Variants in TM4SF20 observed in about 807,000 individuals in gnomAD.
TM4SF20 encodes the protein transmembrane 4 L6 family member 20.
TM4SF20 carries 13 observed loss-of-function variants against 15.1 expected under a neutral mutation model. The observed-to-expected ratio is 0.86, with a 90% confidence interval of 0.56 to 1.36. TM4SF20 has a LOEUF of 1.36. Among genes scored for constraint, TM4SF20 ranks in the 40% most tolerant of loss-of-function variants. TM4SF20 has a pLI of 0.00. For synonymous variants in TM4SF20, 92 were observed against 96.6 expected, an observed-to-expected ratio of 0.95 and a Z score of 0.28; for missense variants, 282 against 268.4, an observed-to-expected ratio of 1.05 and a Z score of -0.35.
chr2:227,363,694 T>C lies in TM4SF20; in HGVS notation c.*30A>G, dbSNP rs367703325. 2 of 1,575,966 alleles carry C rather than the reference T, an allele frequency of 1.3e-6. No homozygotes were observed. The highest frequency in any genetic ancestry group is 1.7e-6 in the Non-Finnish European group (2 of 1,161,802). On this transcript the variant is annotated 3_prime_UTR_variant, in exon 4 of 4. Transcript: ENST00000304568. Reference sequence around the variant, plus strand: ...GTGTACTTCTCAAATTAATTCAAACTACTGATACTTACATTTTATTCCCAT... The same window carrying C: ...GTGTACTTCTCAAATTAATTCAAACCACTGATACTTACATTTTATTCCCAT...
intron 1 of TM4SF20, among the ~76,000 whole-genome samples, chr2:227,371,381 C>G (rs62190923): frequency 0.16 from 24,233 of 152,222 alleles, 2,174 homozygotes; most frequent in Admixed American, 0.2. Context: ...CACTCTCTTA[C>G]CCAGGCCAGA....
rs189053313 is a variant in TM4SF20, at chr2:227,370,387, C to G, written c.249+528G>C. On this transcript the variant is annotated intron_variant, in intron 2 of 3. Coordinates refer to ENST00000304568, the MANE Select transcript of TM4SF20 (RefSeq NM_024795.4). ...AATCCACGGAAGACTGAGGAAGGGACAGAAGGCCAACTCTAAATGTTTGTG... is the reference window on the plus strand; with the variant it reads ...AATCCACGGAAGACTGAGGAAGGGAGAGAAGGCCAACTCTAAATGTTTGTG... 1.6e-4 allele frequency among the ~76,000 whole-genome samples: 25 copies of G among 152,224 alleles called. No individual in the cohort carries two copies. In the East Asian group the frequency reaches 3.7e-3, roughly 22 times the overall value.
rs2076373648 is a variant in TM4SF20 at position 227,363,507 on chromosome 2, T to C, written c.*217A>G. Reference sequence around the variant, plus strand: ...TCCCTTCTCCTTTCTCTACACACAGTGAAGAGGTAAAAAATTTGAATAGTA... The same window carrying C: ...TCCCTTCTCCTTTCTCTACACACAGCGAAGAGGTAAAAAATTTGAATAGTA... On this transcript the variant is annotated 3_prime_UTR_variant, in exon 4 of 4. Transcript: ENST00000304568. The C allele has an allele frequency of 6.3e-6, 3 of 479,006 alleles. No individual in the cohort carries two copies. The highest frequency in any genetic ancestry group is 1.1e-5 in the Non-Finnish European group (3 of 270,486). 29.7% of individuals were successfully genotyped at this position (479,006 alleles called of 1,614,324 possible).
At chr2:227,371,404 G>A (rs1353553560) in intron 1 of TM4SF20, among the ~76,000 whole-genome samples, 1 of 152,136 alleles carries the variant, frequency 6.6e-6, no homozygotes, top group African/African-American at 2.4e-5. Flanking sequence ...GCAGTGATAC[G>A]AGCATAGCTC....
intron 2 of TM4SF20, 103 bp downstream of exon 2, chr2:227,370,812 C>G: frequency 2.2e-6 from 2 of 898,432 alleles, no homozygotes; most frequent in Non-Finnish European, 3.7e-6. Flanking sequence ...GTCAGTGGAG[C>G]CCCACTGTGA....
intron 2 of TM4SF20, among the ~76,000 whole-genome samples, chr2:227,368,769 A>G (rs1466691867): frequency 1.3e-5 from 2 of 152,258 alleles, no homozygotes; most frequent in Non-Finnish European, 1.5e-5. Context: ...GATTCAGCAA[A>G]ACCATTTTGT....
intron 1 of TM4SF20, among the ~76,000 whole-genome samples, chr2:227,375,351 GCACTGCATT>G (rs1360574954): frequency 6.6e-6 from 1 of 152,152 alleles, no homozygotes; most frequent in Non-Finnish European, 1.5e-5. Context: ...TGTGCTCACA[GCACTGCATT>G]CTAGCTTGAG....
At chr2:227,378,023 A>C (rs1259922329) in intron 1 of TM4SF20, among the ~76,000 whole-genome samples, 1 of 151,988 alleles carries the variant, frequency 6.6e-6, no homozygotes, top group Non-Finnish European at 1.5e-5. Context: ...GTGTTTTATT[A>C]TCTCTAAAAC....
chr2:227,362,522 A>G lies in TM4SF20; in HGVS notation c.*1202T>C, dbSNP rs982733560. 5.9e-5 allele frequency: 9 copies of G among 152,214 alleles called. No homozygotes were observed. Among genetic ancestry groups the G allele is most frequent in the African/African-American group, 2.2e-4 (9 of 41,422 alleles). The allele number at this position is 152,214 out of a possible 1,614,324, so 9.4% of individuals were successfully genotyped here. A position where few individuals can be genotyped will look rare whatever the true frequency, so the allele number is the denominator to read the frequency against. The stretch of plus-strand genomic sequence containing the variant: ...TCCGAGATCCAAAACTTTTTGAGCC[A>G]GTAACGTAACACCACAAGTGGAAAA... On this transcript the variant is annotated 3_prime_UTR_variant, in exon 4 of 4. Coordinates refer to ENST00000304568, the MANE Select transcript of TM4SF20 (RefSeq NM_024795.4).
chr2:227,374,711 G>T (rs1560006840), intron 1 of TM4SF20, among the ~76,000 whole-genome samples: 1 of 152,080 alleles, frequency 6.6e-6, no homozygotes, highest in Non-Finnish European at 1.5e-5. Context: ...TAAAAATCCT[G>T]TGATGAAATT....
At chr2:227,376,848 T>C (rs929910870) in intron 1 of TM4SF20, among the ~76,000 whole-genome samples, 3 of 152,256 alleles carry the variant, frequency 2.0e-5, no homozygotes, top group Non-Finnish European at 4.4e-5. Context: ...GTGACCTTGT[T>C]AACATTCCTA....
intron 1 of TM4SF20, among the ~76,000 whole-genome samples, chr2:227,373,818 A>G (rs1003078594): frequency 6.6e-6 from 1 of 151,768 alleles, no homozygotes; most frequent in Non-Finnish European, 1.5e-5. Context: ...AGTCCCAGCT[A>G]CCAGGGAGCC....
chr2:227,370,520 G>A (rs1454394820), intron 2 of TM4SF20, among the ~76,000 whole-genome samples: 1 of 152,106 alleles, frequency 6.6e-6, no homozygotes, highest in Non-Finnish European at 1.5e-5. Context: ...ACTTTGGGAG[G>A]CCGAGGCGAG....
At chr2:227,379,353 A>T, upstream of TM4SF20, 1 of 1,216,510 alleles carries the variant, frequency 8.2e-7, no homozygotes, top group South Asian at 1.5e-5. Context: ...TCTGGTTAAA[A>T]TTTAACGCTA....
At chr2:227,369,968 C>G (rs975475614) in intron 2 of TM4SF20, among the ~76,000 whole-genome samples, 1 of 152,156 alleles carries the variant, frequency 6.6e-6, no homozygotes, top group Non-Finnish European at 1.5e-5. Context: ...ATTCCTTCGT[C>G]AATCAAACAC....
chr2:227,366,032 A>G, intron 3 of TM4SF20, 61 bp downstream of exon 3: 2 of 1,518,622 alleles, frequency 1.3e-6, no homozygotes, highest in Non-Finnish European at 1.8e-6. Flanking sequence ...GTACTGCATT[A>G]ATCTAATCAA....
intron 1 of TM4SF20, among the ~76,000 whole-genome samples, chr2:227,372,660 CA>C (rs887532911): frequency 2.7e-5 from 4 of 149,780 alleles, no homozygotes; most frequent in Non-Finnish European, 6.0e-5. Flanking sequence ...ACAACAACAA[CA>C]AAAAAAGCTA....
chr2:227,373,377 C>T (rs2076430419), intron 1 of TM4SF20, among the ~76,000 whole-genome samples: 1 of 152,110 alleles, frequency 6.6e-6, no homozygotes, highest in Admixed American at 6.5e-5. Flanking sequence ...CACCTTGGCG[C>T]ATAGCTGAAA....
chr2:227,374,126 A>G (rs973754843), intron 1 of TM4SF20, among the ~76,000 whole-genome samples: 3 of 148,242 alleles, frequency 2.0e-5, no homozygotes, highest in Admixed American at 6.8e-5. Context: ...GATTGACATT[A>G]CAACTTAAAT....
Sources: gnomAD v4.1 joint callset for allele counts (sites outside exome capture counted in the v4.1 genomes callset) on GRCh38, gnomAD v4.1.1 for gene constraint, MANE v1.5 for transcripts, NCBI Gene and HGNC (gene_info 2026-07-23, HGNC 2026-07-21) for gene names.